The following IGFL2 variants were observed in gnomAD, a reference collection of about 807,000 sequenced individuals.
IGFL2 encodes the protein insulin growth factor-like family member 2.
Under a neutral mutation model 13.9 loss-of-function variants are expected in IGFL2, and 7 were observed. The ratio of observed to expected loss-of-function variants is 0.51; its 90% confidence interval spans 0.29 to 0.95. The LOEUF is 0.95. Among genes scored for constraint, IGFL2 ranks in the 40% least tolerant of loss-of-function variants. IGFL2 has a pLI of 0.08. For synonymous variants in IGFL2, 55 were observed against 55.8 expected, an observed-to-expected ratio of 0.99 and a Z score of 0.07; for missense variants, 138 against 147.8, an observed-to-expected ratio of 0.93 and a Z score of 0.34.
the IGFL2 span, among the ~76,000 whole-genome samples, chr19:46,087,690 A>C: frequency 6.6e-6 from 1 of 152,362 alleles, no homozygotes; most frequent in African/African-American, 2.4e-5. Flanking sequence ...GTAGCCTGCA[A>C]GTGGCAGCAG....
chr19:46,210,438 T>C, the IGFL2 span, among the ~76,000 whole-genome samples: 1 of 152,036 alleles, frequency 6.6e-6, no homozygotes, highest in Non-Finnish European at 1.5e-5. Flanking sequence ...ATTAATAGGG[T>C]TCTTTAGAGG....
chr19:46,192,581 G>C, the IGFL2 span, among the ~76,000 whole-genome samples: 2 of 151,704 alleles, frequency 1.3e-5, no homozygotes, highest in African/African-American at 4.8e-5. Context: ...CACCATGCCG[G>C]GCTAACTTTT....
At chr19:46,093,282 A>G in the IGFL2 span, among the ~76,000 whole-genome samples, 1 of 152,238 alleles carries the variant, frequency 6.6e-6, no homozygotes, top group Non-Finnish European at 1.5e-5. Flanking sequence ...ATGGTGATCA[A>G]AATATAAAAC....
the IGFL2 span, among the ~76,000 whole-genome samples, chr19:46,079,911 G>A: frequency 6.6e-6 from 1 of 152,038 alleles, no homozygotes; most frequent in Non-Finnish European, 1.5e-5. Flanking sequence ...GAACCCTATT[G>A]CTCCCTGGCG....
chr19:46,103,909 C>T, the IGFL2 span, among the ~76,000 whole-genome samples: 1 of 152,138 alleles, frequency 6.6e-6, no homozygotes, highest in Non-Finnish European at 1.5e-5. Flanking sequence ...GTCTGACAGA[C>T]AAAGCTTTAT....
the IGFL2 span, among the ~76,000 whole-genome samples, chr19:46,136,530 A>G: frequency 6.6e-6 from 1 of 152,184 alleles, no homozygotes; most frequent in Non-Finnish European, 1.5e-5. Flanking sequence ...ACCAATAAAC[A>G]TGTAAAAAAT....
At chr19:46,109,228 G>T in the IGFL2 span, among the ~76,000 whole-genome samples, 1 of 152,190 alleles carries the variant, frequency 6.6e-6, no homozygotes, top group Admixed American at 6.5e-5. Flanking sequence ...TATAGGTTTG[G>T]AATAGGCAAT....
chr19:46,089,386 A>G, the IGFL2 span, among the ~76,000 whole-genome samples: 1 of 152,206 alleles, frequency 6.6e-6, no homozygotes, highest in East Asian at 1.9e-4. Context: ...CTTCATGTGA[A>G]ATACATGTGA....
At chr19:46,096,689 T>C in the IGFL2 span, among the ~76,000 whole-genome samples, 2,019 of 152,190 alleles carry the variant, frequency 0.013, 31 homozygotes, top group Middle Eastern at 0.027. Context: ...GAGCTATGTT[T>C]TATCAATACC....
At chr19:46,140,206 G>A (rs912153164), upstream of IGFL2, among the ~76,000 whole-genome samples, 5 of 151,076 alleles carry the variant, frequency 3.3e-5, no homozygotes, top group African/African-American at 4.9e-5. Flanking sequence ...CTCAGCCTCC[G>A]AAGTGCTGGA....
chr19:46,187,867 A>G, the IGFL2 span, among the ~76,000 whole-genome samples: 128 of 135,022 alleles, frequency 9.5e-4, no homozygotes, highest in African/African-American at 2.0e-3. Flanking sequence ...ACCCGTTTAA[A>G]CCTGAGGTTG....
the IGFL2 span, among the ~76,000 whole-genome samples, chr19:46,083,054 C>A: frequency 6.6e-6 from 1 of 152,142 alleles, no homozygotes; most frequent in Non-Finnish European, 1.5e-5. Flanking sequence ...AGAACTGAAA[C>A]CCTGGACGCA....
At chr19:46,183,097 A>G in the IGFL2 span, among the ~76,000 whole-genome samples, 1 of 152,090 alleles carries the variant, frequency 6.6e-6, no homozygotes, top group African/African-American at 2.4e-5. Context: ...GCCTCGGGAA[A>G]CTCGACTTCA....
the IGFL2 span, among the ~76,000 whole-genome samples, chr19:46,172,444 G>A: frequency 8.5e-5 from 13 of 152,202 alleles, no homozygotes; most frequent in Non-Finnish European, 1.6e-4. Flanking sequence ...ACAGCCAGTT[G>A]AGGTGTTTGC....
the IGFL2 span, among the ~76,000 whole-genome samples, chr19:46,201,369 C>G: frequency 6.6e-6 from 1 of 152,250 alleles, no homozygotes; most frequent in African/African-American, 2.4e-5. Context: ...TCTCCTCTTC[C>G]TGCCTTGCAT....
At chr19:46,202,506 GAGA>G in the IGFL2 span, 1 of 152,176 alleles carries the variant, frequency 6.6e-6, no homozygotes, top group Non-Finnish European at 1.5e-5. Flanking sequence ...AGAGAGGGTA[GAGA>G]CATGGAGAGG....
At chr19:46,132,276 G>A in the IGFL2 span, among the ~76,000 whole-genome samples, 1 of 152,150 alleles carries the variant, frequency 6.6e-6, no homozygotes, top group African/African-American at 2.4e-5. Context: ...GCCAAGCCAC[G>A]TTACAAAAGA....
downstream of IGFL2, chr19:46,161,301 CCAA>C: frequency 4.5e-6 from 2 of 449,166 alleles, no homozygotes; most frequent in South Asian, 5.9e-5. Flanking sequence ...ACACCTGTAC[CCAA>C]TGTCGTCTCC....
the IGFL2 span, among the ~76,000 whole-genome samples, chr19:46,115,810 A>C: frequency 6.6e-6 from 1 of 152,302 alleles, no homozygotes; most frequent in Admixed American, 6.5e-5. Flanking sequence ...GAGTAGAGCC[A>C]CTTACCAGCA....
Sources: gnomAD v4.1 joint callset for allele counts (sites outside exome capture counted in the v4.1 genomes callset) on GRCh38, gnomAD v4.1.1 for gene constraint, MANE v1.5 for transcripts, NCBI Gene and HGNC (gene_info 2026-07-23, HGNC 2026-07-21) for gene names.